Variants in POLL observed in about 807,000 individuals in gnomAD.
POLL encodes the protein DNA polymerase beta-2.
Under a neutral mutation model 58.1 loss-of-function variants are expected in POLL, and 44 were observed. That is an observed-to-expected ratio of 0.76 (90% CI 0.60 to 0.97). POLL has a LOEUF of 0.97. Among genes scored for constraint, POLL ranks in the 50% least tolerant of loss-of-function variants. The probability of loss-of-function intolerance (pLI) is 0.00; values close to 1 mark genes in which losing one functional copy is unlikely to be tolerated. For missense variants in POLL, 632 were observed against 736.8 expected, an observed-to-expected ratio of 0.86 and a Z score of 1.65; for synonymous variants, 290 against 283.2, an observed-to-expected ratio of 1.02 and a Z score of -0.24.
In POLL at chr10:101,588,087, G is replaced by A; in HGVS notation, c.-312C>T. On this transcript the variant is annotated 5_prime_UTR_variant, in exon 1 of 9. Coordinates refer to ENST00000370162, the MANE Select transcript of POLL (RefSeq NM_001174084.2). ...AATCCCAGCTCGGGGCTAGAAGAAAGCTGGAGTGCCCGACCCCGGCCCCAA... is the reference window on the plus strand; with the variant it reads ...AATCCCAGCTCGGGGCTAGAAGAAAACTGGAGTGCCCGACCCCGGCCCCAA... The A allele has an allele frequency of 6.7e-7, 1 of 1,490,088 alleles. No individual in the cohort carries two copies. The highest frequency in any genetic ancestry group is 8.9e-7 in the Non-Finnish European group (1 of 1,118,126). 92.3% of individuals were successfully genotyped at this position (1,490,088 alleles called of 1,614,324 possible).
At position 101,584,892 on chromosome 10, in the gene POLL, C is replaced by G; in HGVS notation, c.601G>C (p.Gly201Arg). ...QPISDDEASD[G>R]EETQVSAADL... ...GCTGCACTAACCTGGGTTTCTTCCC[C>G]ATCACTGGCTTCATCATCAGAGATG... The change falls in exon 5 of 9, where the codon GGG becomes CGG. Residue 201 changes from glycine to arginine, a missense_variant. By Grantham distance (125) the Gly-to-Arg change is moderately radical (BLOSUM62 -2). Transcript: ENST00000370162. 1 of 1,428,032 alleles carries G rather than the reference C, an allele frequency of 7.0e-7. No individual in the cohort carries two copies. The highest frequency in any genetic ancestry group is 9.2e-7 in the Non-Finnish European group (1 of 1,083,544). 88.5% of individuals were successfully genotyped at this position (1,428,032 alleles called of 1,614,324 possible).
Position 101,579,543 on chromosome 10 carries a change from C to A in POLL, c.1638G>T (p.Gly546=), listed in dbSNP as rs952463023. 6.2e-7 allele frequency: 1 copy of A among 1,613,932 alleles called. No homozygotes were observed. Among genetic ancestry groups the A allele is most frequent in the Non-Finnish European group, 8.5e-7 (1 of 1,180,020 alleles). ...TGGGAGTGGGCAGCACTCGGCCAGGCCCCACCTTGCAGCCATGGGTGTTCC... is the reference window on the plus strand; with the variant it reads ...TGGGAGTGGGCAGCACTCGGCCAGGACCCACCTTGCAGCCATGGGTGTTCC... The part of the protein sequence containing the change: ...VVRNTHGCKV[G]PGRVLPTPTE... The change falls in exon 9 of 9, where the codon GGG becomes GGT. Residue 546 remains glycine (G), a synonymous_variant. Coordinates refer to ENST00000370162, the MANE Select transcript of POLL (RefSeq NM_001174084.2). The surrounding 1 kb of genome is among the most constrained non-coding windows in gnomAD (Gnocchi z 4.4).
rs1477628762 is a variant in POLL, at chr10:101,588,204, C to T, written c.-429G>A. ...GGGTGGGCAGGAATAGACCACTTAC[C>T]AGCAGAGCCAATGAGAGCGGACGAA... On this transcript the variant is annotated 5_prime_UTR_variant, in exon 1 of 9. Coordinates refer to ENST00000370162, the MANE Select transcript of POLL (RefSeq NM_001174084.2). The T allele has an allele frequency of 6.5e-6, 10 of 1,540,558 alleles. No individual in the cohort carries two copies. The Admixed American group carries it at 7.9e-5, about 12-fold the overall frequency.
rs746798687 is a variant in POLL, at chr10:101,585,360, A to G, written c.529T>C (p.Ser177Pro). The G allele has an allele frequency of 3.4e-5, 55 of 1,598,158 alleles. No homozygotes were observed. Among genetic ancestry groups the G allele is most frequent in the Non-Finnish European group, 4.5e-5 (53 of 1,172,692 alleles). The change falls in exon 4 of 9, where the codon TCT (serine) becomes CCT (proline). Residue 177 changes from serine to proline, a missense_variant. Ser to Pro is a moderately conservative substitution (Grantham distance 74, BLOSUM62 -1). Coordinates refer to ENST00000370162, the MANE Select transcript of POLL (RefSeq NM_001174084.2). The stretch of plus-strand genomic sequence containing the variant: ...GCCTCTTTTGCCTTTTGGGGAGGAG[A>G]CACAGGCCTGGTGGGAGGAGGAGGA... ...SPPPPPTRPV[S>P]PPQKAKEAPN...
rs1214866716 is a variant in POLL at position 101,580,736 on chromosome 10, C to G, written c.1195-320G>C. 1.6e-5 allele frequency: 4 copies of G among 248,294 alleles called. No homozygotes were observed. Among genetic ancestry groups the G allele is most frequent in the Non-Finnish European group, 2.3e-5 (3 of 129,914 alleles). The allele number at this position is 248,294 out of a possible 1,614,324, so 15.4% of individuals were successfully genotyped here. On this transcript the variant is annotated intron_variant, in intron 7 of 8. Transcript: ENST00000370162. The surrounding 1 kb of genome is among the most constrained non-coding windows in gnomAD (Gnocchi z 4.1). Reference sequence around the variant, plus strand: ...AGGGAGACACAGACTCTCTCTGCCCCTGCCCCAGCCCACGTGCCCAGGTCT... The same window carrying G: ...AGGGAGACACAGACTCTCTCTGCCCGTGCCCCAGCCCACGTGCCCAGGTCT...
At chr10:101,584,357 T>C (rs145885939) in intron 5 of POLL, among the ~76,000 whole-genome samples, 1 of 152,198 alleles carries the variant, frequency 6.6e-6, no homozygotes, top group African/African-American at 2.4e-5. Flanking sequence ...AAATTAAAAA[T>C]AAAAAACTTT....
chr10:101,579,305 C>T lies in POLL; in HGVS notation c.*148G>A, dbSNP rs1230469413. 1 of 928,020 alleles carries T rather than the reference C, an allele frequency of 1.1e-6. No individual in the cohort carries two copies. Among genetic ancestry groups the T allele is most frequent in the Non-Finnish European group, 1.6e-6 (1 of 629,462 alleles). 57.5% of individuals were successfully genotyped at this position (928,020 alleles called of 1,614,324 possible). A position where few individuals can be genotyped will look rare whatever the true frequency, so the allele number is the denominator to read the frequency against. ...ACACTGGGAGCCGGGCTGGCTCTTG[C>T]TTCAGGCCCAGAGCCCTGGGCCCTG... is the stretch of plus-strand genomic sequence containing the variant. On this transcript the variant is annotated 3_prime_UTR_variant, in exon 9 of 9. Transcript: ENST00000370162. The surrounding 1 kb of genome is among the most constrained non-coding windows in gnomAD (Gnocchi z 4.4).
chr10:101,582,020 C>G (rs1448221727), intron 7 of POLL: 1 of 152,154 alleles, frequency 6.6e-6, no homozygotes, highest in African/African-American at 2.4e-5. Flanking sequence ...GTTTGCCAGG[C>G]TGGAAATTTT....
Position 101,583,576 on chromosome 10 carries a change from G to C in POLL, c.997C>G (p.Pro333Ala). The change falls in exon 6 of 9, where the codon CCT becomes GCT. Residue 333 changes from proline (P) to alanine (A), a missense_variant. Pro to Ala is a conservative substitution (Grantham distance 27, BLOSUM62 -1). Coordinates refer to ENST00000370162, the MANE Select transcript of POLL (RefSeq NM_001174084.2). The stretch of plus-strand genomic sequence containing the variant: ...ATGTTGGAGAAGAGCTCCAAGACAG[G>C]CACGCTCTCACTGATATGGTCCAGC... The part of the protein sequence containing the change: ...RKLDHISESV[P>A]VLELFSNIWG... 1 of 1,614,018 alleles carries C rather than the reference G, an allele frequency of 6.2e-7. No individual in the cohort carries two copies. Among genetic ancestry groups the C allele is most frequent in the Non-Finnish European group, 8.5e-7 (1 of 1,179,992 alleles).
chr10:101,586,207 C>G, intron 2 of POLL, 51 bp from the exon 3 acceptor site: 1 of 1,507,940 alleles, frequency 6.6e-7, no homozygotes, highest in Non-Finnish European at 9.1e-7. Context: ...TAATTTTTAT[C>G]TGCCACCCCC....
rs2063241584 is a variant in POLL, at chr10:101,585,205, A to G, written c.573+111T>C. ...GAAGAGCTAAATGGCTTCACAATAG[A>G]GCCCTCCTCTCTCAGGGGCCTGGGA... On this transcript the variant is annotated intron_variant, in intron 4 of 8. Transcript: ENST00000370162. 5.5e-6 allele frequency: 5 copies of G among 901,896 alleles called. No individual in the cohort carries two copies. In the South Asian group the frequency reaches 5.8e-5, roughly 10 times the overall value. 55.9% of individuals were successfully genotyped at this position (901,896 alleles called of 1,614,324 possible). A position where few individuals can be genotyped will look rare whatever the true frequency, so the allele number is the denominator to read the frequency against.
chr10:101,584,053 C>G (rs2063153940), intron 5 of POLL, among the ~76,000 whole-genome samples: 1 of 152,124 alleles, frequency 6.6e-6, no homozygotes, highest in Non-Finnish European at 1.5e-5. Context: ...TAATAGTAGC[C>G]CCTTTTTACT....
At chr10:101,585,757 T>A in intron 3 of POLL, 105 bp downstream of exon 3, 1 of 1,079,578 alleles carries the variant, frequency 9.3e-7, no homozygotes, top group Non-Finnish European at 1.3e-6. Context: ...CACCCCACCA[T>A]GCCTGGCTAA....
rs1272867045 is a variant in POLL, at chr10:101,585,408, G to T, written c.481C>A (p.Leu161Met). 2 of 1,608,378 alleles carry T rather than the reference G, an allele frequency of 1.2e-6. No homozygotes were observed. Among genetic ancestry groups the T allele is most frequent in the Non-Finnish European group, 1.7e-6 (2 of 1,177,308 alleles). The change falls in exon 4 of 9, where the codon CTG becomes ATG. Residue 161 changes from leucine to methionine, a missense_variant. Leu to Met is a conservative substitution (Grantham distance 15, BLOSUM62 2). Coordinates refer to ENST00000370162, the MANE Select transcript of POLL (RefSeq NM_001174084.2). Reference sequence around the variant, plus strand: ...GGAGGAGAAAGGGCTGTCTGAAGCAGGGCCTCATGGGTGCCAGGAGGAATA... The same window carrying T: ...GGAGGAGAAAGGGCTGTCTGAAGCATGGCCTCATGGGTGCCAGGAGGAATA... ...ASIPPGTHEA[L>M]LQTALSPPPP...
Position 101,580,165 on chromosome 10 carries a change from A to C in POLL, c.1363+83T>G. On this transcript the variant is annotated intron_variant, in intron 8 of 8. Transcript: ENST00000370162. This position sits in a 1 kb window ranked among gnomAD's most constrained non-coding sequence, Gnocchi z 4.1. ...CCCTGCTTCCTGCCTCAGGACTGGA[A>C]CTTCTGAGGTTCTCCCTCTGAGGGG... The C allele has an allele frequency of 8.3e-7, 1 of 1,198,768 alleles. No individual in the cohort carries two copies. Among genetic ancestry groups the C allele is most frequent in the Non-Finnish European group, 1.2e-6 (1 of 839,796 alleles). 74.3% of individuals were successfully genotyped at this position (1,198,768 alleles called of 1,614,324 possible).
In POLL at chr10:101,580,191, G is replaced by A; in HGVS notation, c.1363+57C>T. 2 of 1,488,722 alleles carry A rather than the reference G, an allele frequency of 1.3e-6. No individual in the cohort carries two copies. Among genetic ancestry groups the A allele is most frequent in the South Asian group, 1.3e-5 (1 of 77,784 alleles). 92.2% of individuals were successfully genotyped at this position (1,488,722 alleles called of 1,614,324 possible). On this transcript the variant is annotated intron_variant, in intron 8 of 8. Transcript: ENST00000370162. The surrounding 1 kb of genome is among the most constrained non-coding windows in gnomAD (Gnocchi z 4.1). ...CTTCTGAGGTTCTCCCTCTGAGGGG[G>A]CCCCCAGACCTGTGCTGCCCTCTGT...
In POLL at chr10:101,579,004, T is replaced by G; in HGVS notation, c.*449A>C. 1 of 197,454 alleles carries G rather than the reference T, an allele frequency of 5.1e-6. No homozygotes were observed. The highest frequency in any genetic ancestry group is 1.0e-5 in the Non-Finnish European group (1 of 95,438). 12.2% of individuals were successfully genotyped at this position (197,454 alleles called of 1,614,324 possible). On this transcript the variant is annotated 3_prime_UTR_variant, in exon 9 of 9. Transcript: ENST00000370162. This position sits in a 1 kb window ranked among gnomAD's most constrained non-coding sequence, Gnocchi z 4.4. ...AAGCAGGACGGATAGAGGGAACACA[T>G]GTGGAATGGCTGTTCTCCTACCCCA...
rs749316921 is a variant in POLL at position 101,586,058 on chromosome 10, G to A, written c.214C>T (p.Leu72=). The A allele has an allele frequency of 6.2e-7, 1 of 1,614,112 alleles. No individual in the cohort carries two copies. The highest frequency in any genetic ancestry group is 1.1e-5 in the South Asian group (1 of 91,084). ...ACACCTGGGCCCTGGGCAGGGCATA[G>A]CTGGCCGCCATGCTGAACAATCTGC... ...EKQIVQHGGQ[L]CPAQGPGVTH... is the part of the protein sequence containing the mutation. The change falls in exon 3 of 9, where the codon CTA becomes TTA. Residue 72 remains leucine, a synonymous_variant. Coordinates refer to ENST00000370162, the MANE Select transcript of POLL (RefSeq NM_001174084.2).
At position 101,579,803 on chromosome 10, in the gene POLL, C is replaced by T; in HGVS notation, c.1378G>A (p.Asp460Asn). The T allele has an allele frequency of 6.2e-7, 1 of 1,612,926 alleles. No homozygotes were observed. Among genetic ancestry groups the T allele is most frequent in the Non-Finnish European group, 8.5e-7 (1 of 1,179,510 alleles). ...SLRQEGFLTD[D>N]LVSQEENGQQ... is the part of the protein sequence containing the mutation. ...CCATTCTCCTCTTGGCTCACCAAGT[C>T]ATCTGTGAGGAACCCTGGCCCAACA... Residue 460 changes from aspartate (D) to asparagine (N), a missense_variant, in exon 9 of 9, where the codon GAC becomes AAC. Coordinates refer to ENST00000370162, the MANE Select transcript of POLL (RefSeq NM_001174084.2). The surrounding 1 kb of genome is among the most constrained non-coding windows in gnomAD (Gnocchi z 4.4).
Sources: allele counts gnomAD v4.1 joint callset (sites outside exome capture counted in the v4.1 genomes callset), GRCh38; gene constraint gnomAD v4.1.1; non-coding constraint Gnocchi (gnomAD v3.1); transcripts MANE v1.5; gene names NCBI Gene and HGNC (gene_info 2026-07-23, HGNC 2026-07-21).